Variants in IQCM observed in about 807,000 individuals in gnomAD.
The protein encoded by IQCM is IQ motif containing M, also known as IQ domain-containing protein M.
A neutral mutation model predicts 57.6 loss-of-function variants in IQCM; 45 were observed. The ratio of observed to expected loss-of-function variants is 0.78; its 90% CI spans 0.62 to 1.00. The LOEUF is 1.00. Among genes scored for constraint, IQCM ranks in the 50% least tolerant of loss-of-function variants. IQCM has a pLI of 0.00. For missense variants in IQCM, 468 were observed against 511.6 expected (o/e 0.91, Z 0.82); for synonymous variants, 148 against 158.9 (o/e 0.93, Z 0.51).
At chr4:149,532,934 G>A (rs928421007) in intron 12 of IQCM, among the ~76,000 whole-genome samples, 3 of 152,156 alleles carry the variant, frequency 2.0e-5, no homozygotes, top group African/African-American at 7.2e-5. Context: ...AGCAAAGATG[G>A]AGGGCAGAGG....
intron 12 of IQCM, among the ~76,000 whole-genome samples, chr4:149,470,948 C>A (rs1739460043): frequency 1.3e-5 from 2 of 152,156 alleles, no homozygotes; most frequent in Admixed American, 6.5e-5. Flanking sequence ...ATACCAGAAT[C>A]TCTGGGACAC....
At chr4:149,431,805 C>T (rs774714637) in intron 13 of IQCM, among the ~76,000 whole-genome samples, 1 of 151,898 alleles carries the variant, frequency 6.6e-6, no homozygotes, top group South Asian at 2.1e-4. Flanking sequence ...TTGTGTACAT[C>T]AATAGTTCAC....
chr4:149,646,083 C>A (rs1758608389), intron 7 of IQCM, among the ~76,000 whole-genome samples: 1 of 152,166 alleles, frequency 6.6e-6, no homozygotes. Flanking sequence ...AAGTCTGAAT[C>A]CCAGCCTTGG....
chr4:149,442,522 T>A (rs1218992730), intron 12 of IQCM, among the ~76,000 whole-genome samples: 2 of 152,116 alleles, frequency 1.3e-5, no homozygotes, highest in Admixed American at 1.3e-4. Flanking sequence ...TCTCCTCCTA[T>A]GTAACTGCAG....
intron 8 of IQCM, among the ~76,000 whole-genome samples, chr4:149,594,462 C>T (rs1753556916): frequency 6.6e-6 from 1 of 152,118 alleles, no homozygotes; most frequent in Admixed American, 6.5e-5. Flanking sequence ...TCCTTCAGTT[C>T]TGCTCTGATC....
chr4:149,646,331 AGAGTT>A (rs532778033), intron 7 of IQCM, among the ~76,000 whole-genome samples: 437 of 152,250 alleles, frequency 2.9e-3, no homozygotes, highest in Non-Finnish European at 5.3e-3. Flanking sequence ...ATATGAGATT[AGAGTT>A]ATTTATTCTT....
chr4:149,449,197 C>T (rs1420107220), intron 12 of IQCM, among the ~76,000 whole-genome samples: 2 of 139,474 alleles, frequency 1.4e-5, no homozygotes, highest in Admixed American at 7.3e-5. Context: ...CCCCCCACCA[C>T]AAGGACACCA....
chr4:149,491,128 C>G (rs1330139194), intron 12 of IQCM, among the ~76,000 whole-genome samples: 1 of 151,954 alleles, frequency 6.6e-6, no homozygotes, highest in African/African-American at 2.4e-5. Context: ...GAACTCCTGA[C>G]CCATGTTGGA....
At chr4:149,396,101 T>A (rs984415198) in intron 13 of IQCM, among the ~76,000 whole-genome samples, 1 of 151,922 alleles carries the variant, frequency 6.6e-6, no homozygotes, top group Non-Finnish European at 1.5e-5. Flanking sequence ...CATTTTAATT[T>A]TTTTACATTA....
At chr4:149,718,102 G>A (rs1225125295) in intron 5 of IQCM, among the ~76,000 whole-genome samples, 1 of 152,056 alleles carries the variant, frequency 6.6e-6, no homozygotes. Context: ...CAACTGGAAG[G>A]GTAAGTTTAA....
intron 7 of IQCM, among the ~76,000 whole-genome samples, chr4:149,647,126 A>G (rs1758711395): frequency 6.6e-6 from 1 of 152,098 alleles, no homozygotes; most frequent in Non-Finnish European, 1.5e-5. Context: ...TGCTAGTCTG[A>G]AAGTTGTACA....
intron 5 of IQCM, 31 bp from the exon 6 acceptor site, chr4:149,686,499 C>T: frequency 4.2e-6 from 4 of 958,512 alleles, no homozygotes; most frequent in East Asian, 3.3e-5. Flanking sequence ...TAATTGCATA[C>T]TATTAGTTTT....
chr4:149,520,201 GTA>G (rs1245029722), intron 12 of IQCM, among the ~76,000 whole-genome samples: 1 of 149,834 alleles, frequency 6.7e-6, no homozygotes, highest in Non-Finnish European at 1.5e-5. Context: ...ACAAAAAACC[GTA>G]TATAAGGTGG....
chr4:149,469,017 G>A (rs1038504021), intron 12 of IQCM, among the ~76,000 whole-genome samples: 1 of 152,174 alleles, frequency 6.6e-6, no homozygotes, highest in African/African-American at 2.4e-5. Flanking sequence ...CCACAAAGAT[G>A]GGGAGAAATG....
At chr4:149,480,913 G>A (rs1052107088) in intron 12 of IQCM, among the ~76,000 whole-genome samples, 1 of 152,074 alleles carries the variant, frequency 6.6e-6, no homozygotes, top group East Asian at 1.9e-4. Flanking sequence ...ATCCTTGCTA[G>A]TGTTTGTTAT....
intron 3 of IQCM, among the ~76,000 whole-genome samples, chr4:149,738,993 T>C (rs1214862703): frequency 6.6e-6 from 1 of 152,186 alleles, no homozygotes; most frequent in Non-Finnish European, 1.5e-5. Flanking sequence ...TTATTAAAGC[T>C]CCATCTAGTC....
chr4:149,643,253 T>C (rs532740935), intron 7 of IQCM, among the ~76,000 whole-genome samples: 1 of 152,202 alleles, frequency 6.6e-6, no homozygotes, highest in Non-Finnish European at 1.5e-5. Context: ...ACTGAATACC[T>C]ACTTTGTGTC....
intron 2 of IQCM, among the ~76,000 whole-genome samples, chr4:149,768,571 C>A (rs1239316808): frequency 6.6e-6 from 1 of 152,014 alleles, no homozygotes; most frequent in East Asian, 1.9e-4. Flanking sequence ...GAACAGCCTA[C>A]ACACAACCCT....
rs147312853 is a variant in IQCM at position 149,659,399 on chromosome 4, T to C, written c.565+22719A>G. Among the ~76,000 whole-genome samples the C allele has an allele frequency of 1.3e-3, 201 of 152,140 alleles. 1 individual carries two copies. Among genetic ancestry groups the C allele is most frequent in the African/African-American group, 4.4e-3 (184 of 41,538 alleles). ...AGAATCAATATCATGAAAATGGCCA[T>C]ACTGCCCAAGGTAATTTACAGATTC... On this transcript the variant is annotated intron_variant, in intron 7 of 13. Transcript: ENST00000636793.
Sources: allele counts gnomAD v4.1 joint callset (sites outside exome capture counted in the v4.1 genomes callset), GRCh38; gene constraint gnomAD v4.1.1; transcripts MANE v1.5; gene names NCBI Gene and HGNC (gene_info 2026-07-23, HGNC 2026-07-21).